The following GFRA1 variants were observed in gnomAD, a reference collection of about 807,000 sequenced individuals.
The protein encoded by GFRA1 is GDNF family receptor alpha 1, also known as GDNF family receptor alpha-1.
A neutral mutation model predicts 51.6 loss-of-function variants in GFRA1; 16 were observed. The observed-to-expected ratio is 0.31, with a 90% CI of 0.21 to 0.47. The LOEUF (loss-of-function observed/expected upper bound fraction) is 0.47. GFRA1 is among the 20% of genes least tolerant of loss of function. The pLI is 1.00. For missense variants in GFRA1, 530 were observed against 594.3 expected (o/e 0.89, Z 1.13); for synonymous variants, 270 against 241.3 (o/e 1.12, Z -1.10).
At chr10:116,224,709 G>A (rs1966159886) in intron 4 of GFRA1, among the ~76,000 whole-genome samples, 1 of 152,190 alleles carries the variant, frequency 6.6e-6, no homozygotes, top group Admixed American at 6.5e-5. Flanking sequence ...TGACAGCTAA[G>A]GATGTACCAG....
chr10:116,185,408 C>T (rs1042855016), intron 5 of GFRA1, among the ~76,000 whole-genome samples: 21 of 152,262 alleles, frequency 1.4e-4, no homozygotes, highest in African/African-American at 4.6e-4. Flanking sequence ...CACCCCATCC[C>T]GGCGCACCTC....
intron 5 of GFRA1, among the ~76,000 whole-genome samples, chr10:116,192,682 A>G (rs1226035474): frequency 1.3e-5 from 2 of 152,158 alleles, no homozygotes; most frequent in African/African-American, 4.8e-5. Context: ...GACCCTGAGC[A>G]CATCCTCTTA....
Position 116,181,623 on chromosome 10 carries a change from A to AG in GFRA1, c.433+30007dup, listed in dbSNP as rs200729753. Among the ~76,000 whole-genome samples, 939 of 101,612 alleles carry AG rather than the reference A, an allele frequency of 9.2e-3. 4 individuals are homozygous for AG. The highest frequency in any genetic ancestry group is 0.027 in the African/African-American group (839 of 31,624). The allele number at this position is 101,612 out of a possible 152,430, so 66.7% of individuals were successfully genotyped here. A position where few individuals can be genotyped will look rare whatever the true frequency, so the allele number is the denominator to read the frequency against. ...AGCTAGCTATATACACAAAAATATG[A>AG]GGTTTTTTTTTGTTGTTTTTTTGTT... is the stretch of plus-strand genomic sequence containing the variant. On this transcript the variant is annotated intron_variant, in intron 5 of 10. Transcript: ENST00000355422.
chr10:116,096,725 C>T lies in GFRA1; in HGVS notation c.810G>A (p.Glu270=), dbSNP rs2133907536. Reference sequence around the variant, plus strand: ...TTAGACAGCTGCTGACAGACCTTGACTCTGGCTGGCAGTTGGTAAAAAAAT... The same window carrying T: ...TTAGACAGCTGCTGACAGACCTTGATTCTGGCTGGCAGTTGGTAAAAAAAT... ...LADFFTNCQP[E]SRSVSSCLKE... Residue 270 remains glutamate (E), a synonymous_variant, in exon 7 of 11, where the codon GAG becomes GAA. Coordinates refer to ENST00000355422, the MANE Select transcript of GFRA1 (RefSeq NM_005264.8). 6.2e-7 allele frequency: 1 copy of T among 1,613,050 alleles called. No homozygotes were observed. Among genetic ancestry groups the T allele is most frequent in the Non-Finnish European group, 8.5e-7 (1 of 1,179,316 alleles).
At chr10:116,188,879 G>A (rs1962983949) in intron 5 of GFRA1, among the ~76,000 whole-genome samples, 1 of 148,606 alleles carries the variant, frequency 6.7e-6, no homozygotes, top group African/African-American at 2.5e-5. Context: ...CAGTCTGAGT[G>A]ACAGAGTGAG....
At chr10:116,138,269 A>G (rs1241774522) in intron 5 of GFRA1, among the ~76,000 whole-genome samples, 1 of 152,202 alleles carries the variant, frequency 6.6e-6, no homozygotes, top group Non-Finnish European at 1.5e-5. Context: ...TGGTTCCTTC[A>G]GTGACCAAGC....
At chr10:116,120,119 C>T (rs550005676) in intron 6 of GFRA1, among the ~76,000 whole-genome samples, 13 of 152,274 alleles carry the variant, frequency 8.5e-5, no homozygotes, top group East Asian at 3.9e-4. Context: ...TTGGAGACTA[C>T]GGGGACAGAG....
chr10:116,258,820 C>T (rs1969089209), intron 4 of GFRA1, among the ~76,000 whole-genome samples: 1 of 152,158 alleles, frequency 6.6e-6, no homozygotes, highest in Non-Finnish European at 1.5e-5. Context: ...ATATAAAACA[C>T]CTAGCTCGCT....
intron 9 of GFRA1, among the ~76,000 whole-genome samples, chr10:116,073,489 A>C (rs1279566180): frequency 6.6e-6 from 1 of 152,222 alleles, no homozygotes; most frequent in Non-Finnish European, 1.5e-5. Flanking sequence ...ATTATGCACA[A>C]TTAACAATAA....
intron 5 of GFRA1, among the ~76,000 whole-genome samples, chr10:116,137,191 T>G (rs1239689120): frequency 6.6e-6 from 1 of 152,106 alleles, no homozygotes. Context: ...CTACAAACAT[T>G]GTTCTGGCCT....
intron 4 of GFRA1, among the ~76,000 whole-genome samples, chr10:116,265,910 C>A (rs1969620423): frequency 1.3e-5 from 2 of 152,176 alleles, no homozygotes; most frequent in South Asian, 4.1e-4. Flanking sequence ...GCCCCAGGGG[C>A]CAAAGGCTTC....
At chr10:116,135,400 T>C (rs1958281476) in intron 5 of GFRA1, among the ~76,000 whole-genome samples, 1 of 152,238 alleles carries the variant, frequency 6.6e-6, no homozygotes, top group Admixed American at 6.5e-5. Flanking sequence ...GCCTGTCTCT[T>C]CGCAAACAAC....
intron 2 of GFRA1, 75 bp downstream of exon 2, chr10:116,271,915 G>A (rs1843974084): frequency 7.6e-6 from 9 of 1,179,526 alleles, no homozygotes; most frequent in East Asian, 5.1e-5. Flanking sequence ...TGGTGCGGAG[G>A]GCGGGGTGGG....
At chr10:116,197,451 C>T (rs550447414) in intron 5 of GFRA1, among the ~76,000 whole-genome samples, 27 of 152,096 alleles carry the variant, frequency 1.8e-4, no homozygotes, top group Admixed American at 2.6e-4. Flanking sequence ...GGTATTTTAT[C>T]GTAGTTTGGA....
At chr10:116,265,800 T>A (rs971622501) in intron 4 of GFRA1, among the ~76,000 whole-genome samples, 5 of 152,084 alleles carry the variant, frequency 3.3e-5, no homozygotes, top group African/African-American at 1.2e-4. Context: ...ACCGGCGCAC[T>A]TTCTCCTGTG....
chr10:116,272,319 G>C lies in GFRA1; in HGVS notation c.-246-44C>G. On this transcript the variant is annotated intron_variant, in intron 1 of 10. Coordinates refer to ENST00000355422, the MANE Select transcript of GFRA1 (RefSeq NM_005264.8). The surrounding 1 kb of genome is among the most constrained non-coding windows in gnomAD (Gnocchi z 4.4). ...TTTGAGATGAGAGCGGAGAGCGCCG[G>C]AGACTCCCCCCACAGAACCCTCTCC... is the stretch of plus-strand genomic sequence containing the variant. The C allele has an allele frequency of 1.8e-6, 1 of 540,618 alleles. No homozygotes were observed. The highest frequency in any genetic ancestry group is 2.1e-5 in the South Asian group (1 of 47,234). The allele number at this position is 540,618 out of a possible 1,614,324, so 33.5% of individuals were successfully genotyped here.
intron 5 of GFRA1, among the ~76,000 whole-genome samples, chr10:116,207,567 T>C (rs549683642): frequency 1.1e-4 from 17 of 152,280 alleles, no homozygotes; most frequent in Admixed American, 8.5e-4. Context: ...TGGAATTTGG[T>C]GTCTTTCCTC....
chr10:116,072,435 T>G (rs1955441963), intron 9 of GFRA1, among the ~76,000 whole-genome samples: 1 of 152,168 alleles, frequency 6.6e-6, no homozygotes, highest in Admixed American at 6.5e-5. Context: ...AACTTGCTCC[T>G]GGTACTGGCT....
chr10:116,085,897 G>A (rs1220594251), intron 9 of GFRA1, among the ~76,000 whole-genome samples: 2 of 152,178 alleles, frequency 1.3e-5, no homozygotes, highest in Non-Finnish European at 2.9e-5. Context: ...AACCTCACGA[G>A]GAACTAAGAC....
Sources: gnomAD v4.1 joint callset for allele counts (sites outside exome capture counted in the v4.1 genomes callset) on GRCh38, gnomAD v4.1.1 for gene constraint, Gnocchi (gnomAD v3.1) non-coding constraint, MANE v1.5 for transcripts, NCBI Gene and HGNC (gene_info 2026-07-23, HGNC 2026-07-21) for gene names.